The following PEBP4 variants were observed in gnomAD, a reference collection of about 807,000 sequenced individuals.
PEBP4 encodes the protein phosphatidylethanolamine binding protein 4, also known as phosphatidylethanolamine-binding protein 4.
Under a neutral mutation model 23.9 loss-of-function variants are expected in PEBP4, and 22 were observed. That is an observed-to-expected ratio of 0.92 (90% confidence interval 0.66 to 1.31). The LOEUF is 1.31. Among genes scored for constraint, PEBP4 ranks in the 40% most tolerant of loss-of-function variants. PEBP4 has a pLI of 0.00. For missense variants in PEBP4, 324 were observed against 281.7 expected (o/e 1.15, Z -1.07); for synonymous variants, 112 against 99.3 (o/e 1.13, Z -0.76).
chr8:22,723,813 C>T (rs1182046332), intron 6 of PEBP4, among the ~76,000 whole-genome samples: 2 of 152,140 alleles, frequency 1.3e-5, no homozygotes, highest in Non-Finnish European at 2.9e-5. Flanking sequence ...ATAGGTGGGC[C>T]CTGCTCGGCA....
At chr8:22,939,686 C>T (rs1809583966) in intron 1 of PEBP4, among the ~76,000 whole-genome samples, 3 of 151,740 alleles carry the variant, frequency 2.0e-5, no homozygotes, top group Admixed American at 1.3e-4. Context: ...AATGATGGGG[C>T]TGGCAAAGAG....
chr8:22,744,083 G>A (rs1563201739), intron 4 of PEBP4, among the ~76,000 whole-genome samples: 1 of 152,216 alleles, frequency 6.6e-6, no homozygotes, highest in Non-Finnish European at 1.5e-5. Context: ...AGCTCCCTGA[G>A]AGACTCAAGT....
At chr8:22,852,812 A>T (rs2128767402) in intron 3 of PEBP4, among the ~76,000 whole-genome samples, 1 of 152,358 alleles carries the variant, frequency 6.6e-6, no homozygotes, top group East Asian at 1.9e-4. Flanking sequence ...AAAAAGACTA[A>T]AAGATGATGG....
intron 3 of PEBP4, among the ~76,000 whole-genome samples, chr8:22,825,208 C>T (rs1244242680): frequency 6.6e-6 from 1 of 152,230 alleles, no homozygotes; most frequent in Admixed American, 6.5e-5. Flanking sequence ...GGAAAACAAC[C>T]TATTCAAGAG....
chr8:22,723,679 T>G (rs1052060659), intron 6 of PEBP4, among the ~76,000 whole-genome samples: 3 of 152,242 alleles, frequency 2.0e-5, no homozygotes, highest in African/African-American at 7.2e-5. Flanking sequence ...CTTAAAAGTA[T>G]GTCTTTGGCA....
intron 4 of PEBP4, among the ~76,000 whole-genome samples, chr8:22,809,309 T>C (rs368686712): frequency 6.6e-6 from 1 of 152,176 alleles, no homozygotes; most frequent in Non-Finnish European, 1.5e-5. Flanking sequence ...ATCTCCTGCG[T>C]CCACACTGCA....
In PEBP4 at chr8:22,816,057, C is replaced by T. The variant is rs60115552; in HGVS notation, c.357+1580G>A. ...CTCTTGAGTGTTTCACCCCTGAGACCGCTGGGGAGGCCTAAGTTCAGAAAA... is the reference window on the plus strand; with the variant it reads ...CTCTTGAGTGTTTCACCCCTGAGACTGCTGGGGAGGCCTAAGTTCAGAAAA... On this transcript the variant is annotated intron_variant, in intron 4 of 6. Coordinates refer to ENST00000256404, the MANE Select transcript of PEBP4 (RefSeq NM_144962.3). 3.3e-3 allele frequency among the ~76,000 whole-genome samples: 505 copies of T among 152,310 alleles called. 7 individuals carry two copies. The highest frequency in any genetic ancestry group is 0.011 in the African/African-American group (465 of 41,560).
At chr8:22,843,812 T>C (rs1409668520) in intron 3 of PEBP4, among the ~76,000 whole-genome samples, 1 of 152,124 alleles carries the variant, frequency 6.6e-6, no homozygotes, top group Non-Finnish European at 1.5e-5. Context: ...GGATCAAGGG[T>C]GAAGACGATG....
chr8:22,729,924 G>C (rs564097497), intron 4 of PEBP4, among the ~76,000 whole-genome samples: 2 of 152,296 alleles, frequency 1.3e-5, no homozygotes, highest in South Asian at 4.1e-4. Context: ...TTCTACCATA[G>C]AATCAACACC....
intron 4 of PEBP4, among the ~76,000 whole-genome samples, chr8:22,808,728 G>A (rs1430203297): frequency 6.6e-6 from 1 of 152,206 alleles, no homozygotes; most frequent in Middle Eastern, 3.2e-3. Flanking sequence ...ACTTGGAGTT[G>A]ACTAAACCAT....
chr8:22,750,002 C>G (rs1805218322), intron 4 of PEBP4, among the ~76,000 whole-genome samples: 2 of 151,654 alleles, frequency 1.3e-5, no homozygotes, highest in African/African-American at 4.8e-5. Flanking sequence ...GACGGGGTTT[C>G]TCCGTGTTGG....
intron 3 of PEBP4, among the ~76,000 whole-genome samples, chr8:22,849,967 T>G (rs557765140): frequency 6.6e-6 from 1 of 151,802 alleles, no homozygotes; most frequent in African/African-American, 2.4e-5. Flanking sequence ...TGGAAAGAAA[T>G]AGTGATCAAA....
chr8:22,905,674 G>A (rs1808796909), intron 3 of PEBP4, among the ~76,000 whole-genome samples: 1 of 152,208 alleles, frequency 6.6e-6, no homozygotes, highest in Non-Finnish European at 1.5e-5. Context: ...GCAGGAGCCT[G>A]CCTGGACAGG....
intron 4 of PEBP4, among the ~76,000 whole-genome samples, chr8:22,760,453 A>G (rs537122023): frequency 5.3e-5 from 8 of 152,184 alleles, no homozygotes; most frequent in Non-Finnish European, 8.8e-5. Context: ...CACATAGTAC[A>G]ATGCATATAG....
intron 4 of PEBP4, among the ~76,000 whole-genome samples, chr8:22,787,379 T>G (rs528203557): frequency 6.6e-6 from 1 of 152,314 alleles, no homozygotes; most frequent in East Asian, 1.9e-4. Context: ...ACACTGAGTC[T>G]TAAAATCTCA....
intron 4 of PEBP4, among the ~76,000 whole-genome samples, chr8:22,781,859 A>G (rs905554838): frequency 6.6e-6 from 1 of 152,094 alleles, no homozygotes; most frequent in African/African-American, 2.4e-5. Context: ...GGGGGAGCCA[A>G]CCAGGCATCT....
intron 4 of PEBP4, among the ~76,000 whole-genome samples, chr8:22,779,135 G>T (rs187919929): frequency 3.9e-5 from 6 of 152,044 alleles, no homozygotes; most frequent in Non-Finnish European, 7.4e-5. Context: ...AGCTCTGCGC[G>T]TGTGATGGTG....
At chr8:22,877,122 T>C (rs2457438) in intron 3 of PEBP4, among the ~76,000 whole-genome samples, 144,019 of 152,254 alleles carry the variant, frequency 0.95, 68,474 homozygotes, top group Non-Finnish European at 0.99. Flanking sequence ...GGTCTTTTCT[T>C]TCCTCCTCAA....
At chr8:22,933,005 C>A (rs1267447429) in intron 1 of PEBP4, among the ~76,000 whole-genome samples, 139 of 134,268 alleles carry the variant, frequency 1.0e-3, no homozygotes, top group African/African-American at 1.7e-3. Flanking sequence ...ACTCCGTCTC[C>A]AAAAAAAAAA....
Sources: allele counts gnomAD v4.1 joint callset (sites outside exome capture counted in the v4.1 genomes callset), GRCh38; gene constraint gnomAD v4.1.1; transcripts MANE v1.5; gene names NCBI Gene and HGNC (gene_info 2026-07-23, HGNC 2026-07-21).